SHISA9: variants seen among roughly 807,000 people sequenced by gnomAD.
The protein encoded by SHISA9 is protein shisa-9.
In SHISA9, 13 loss-of-function variants were observed where a neutral mutation model predicts 38.0. The ratio of observed to expected loss-of-function variants is 0.34; its 90% CI spans 0.22 to 0.54. SHISA9 has a LOEUF of 0.54. Ranked by LOEUF, SHISA9 falls within the 20% of genes least tolerant of loss-of-function variation. SHISA9 has a pLI of 0.91. For synonymous variants in SHISA9, 275 were observed against 242.0 expected (o/e 1.14, Z -1.27); for missense variants, 538 against 575.8 (o/e 0.93, Z 0.67).
At chr16:13,007,614 A>T (rs1180588952) in intron 2 of SHISA9, among the ~76,000 whole-genome samples, 3 of 152,174 alleles carry the variant, frequency 2.0e-5, no homozygotes, top group Non-Finnish European at 4.4e-5. Context: ...AAGCCTTTTT[A>T]TACAACCTAC....
At chr16:13,250,792 G>T in the SHISA9 span, among the ~76,000 whole-genome samples, 1 of 152,260 alleles carries the variant, frequency 6.6e-6, no homozygotes, top group East Asian at 1.9e-4. Context: ...CCATTTTACT[G>T]TGAAGTCCAT....
the SHISA9 span, among the ~76,000 whole-genome samples, chr16:13,404,329 CAA>C: frequency 6.6e-6 from 1 of 152,098 alleles, no homozygotes; most frequent in Non-Finnish European, 1.5e-5. Context: ...GAAAATGAAA[CAA>C]TGAGAATTTT....
intron 2 of SHISA9, among the ~76,000 whole-genome samples, chr16:12,921,864 G>T (rs955236932): frequency 1.3e-5 from 2 of 152,204 alleles, no homozygotes; most frequent in Non-Finnish European, 2.9e-5. Context: ...AAATATGTAA[G>T]ATAGTGTAAT....
chr16:13,290,331 T>C, the SHISA9 span, among the ~76,000 whole-genome samples: 1 of 152,134 alleles, frequency 6.6e-6, no homozygotes, highest in African/African-American at 2.4e-5. Context: ...AGTCACACTT[T>C]CCTGAATTGG....
the SHISA9 span, among the ~76,000 whole-genome samples, chr16:13,400,207 T>C: frequency 6.6e-6 from 1 of 152,196 alleles, no homozygotes; most frequent in Non-Finnish European, 1.5e-5. Context: ...CCCATTTCTC[T>C]TGCCTCTCCG....
intron 2 of SHISA9, among the ~76,000 whole-genome samples, chr16:13,030,943 G>T (rs1471878509): frequency 6.6e-6 from 1 of 152,172 alleles, no homozygotes; most frequent in Non-Finnish European, 1.5e-5. Flanking sequence ...CTAGCACAGG[G>T]CTGTTACTCA....
At chr16:13,200,889 C>T (rs2142052128) in intron 2 of SHISA9, among the ~76,000 whole-genome samples, 1 of 135,504 alleles carries the variant, frequency 7.4e-6, no homozygotes, top group Non-Finnish European at 1.6e-5. Flanking sequence ...CTGCCTGTTT[C>T]CATTTGGGTT....
chr16:13,415,070 C>T, the SHISA9 span, among the ~76,000 whole-genome samples: 54 of 152,178 alleles, frequency 3.5e-4, no homozygotes, highest in African/African-American at 1.3e-3. Context: ...ATCTGATTGG[C>T]CAAAACTCAG....
chr16:13,114,900 C>CTCCA (rs3075115), intron 2 of SHISA9, among the ~76,000 whole-genome samples: 26,246 of 149,668 alleles, frequency 0.18, 3,025 homozygotes, highest in African/African-American at 0.33. Context: ...TTACATCTAA[C>CTCCA]TCCATCCATC....
chr16:13,248,016 A>T, the SHISA9 span, among the ~76,000 whole-genome samples: 1 of 152,212 alleles, frequency 6.6e-6, no homozygotes, highest in African/African-American at 2.4e-5. Flanking sequence ...TTTGCTGTCC[A>T]TGTATCAAAG....
the SHISA9 span, among the ~76,000 whole-genome samples, chr16:13,328,846 TAGTG>T: frequency 7.2e-5 from 11 of 152,136 alleles, no homozygotes; most frequent in Non-Finnish European, 1.3e-4. Context: ...TTTAGGCAGA[TAGTG>T]AGAATACAGA....
At chr16:13,321,706 G>T in the SHISA9 span, among the ~76,000 whole-genome samples, 3 of 152,166 alleles carry the variant, frequency 2.0e-5, no homozygotes, top group African/African-American at 7.2e-5. Context: ...TAATCTCCAG[G>T]TGTGTCGGTG....
chr16:12,910,585 T>C, intron 1 of SHISA9: 2 of 985,426 alleles, frequency 2.0e-6, no homozygotes, highest in Non-Finnish European at 2.4e-6. Context: ...TTTTCAATAT[T>C]CAGTCATTTC....
intron 2 of SHISA9, among the ~76,000 whole-genome samples, chr16:12,969,236 T>C (rs2072022297): frequency 6.6e-6 from 1 of 151,934 alleles, no homozygotes; most frequent in African/African-American, 2.4e-5. Flanking sequence ...ATCTCTATTC[T>C]GGAGCAAACA....
At chr16:13,242,474 C>T (rs767483000), downstream of SHISA9, among the ~76,000 whole-genome samples, 1 of 152,154 alleles carries the variant, frequency 6.6e-6, no homozygotes, top group Non-Finnish European at 1.5e-5. Flanking sequence ...ATCCCAAGGA[C>T]TATGAGATGC....
At chr16:13,267,207 C>A in the SHISA9 span, among the ~76,000 whole-genome samples, 1 of 152,004 alleles carries the variant, frequency 6.6e-6, no homozygotes, top group Admixed American at 6.6e-5. Context: ...AGAATTATTA[C>A]AAAAATCACT....
the SHISA9 span, among the ~76,000 whole-genome samples, chr16:13,320,831 C>T: frequency 1.3e-5 from 2 of 152,208 alleles, no homozygotes; most frequent in East Asian, 3.9e-4. Flanking sequence ...TGGCCACCCC[C>T]CTCTAGACCT....
chr16:13,479,012 T>C, the SHISA9 span, among the ~76,000 whole-genome samples: 1 of 152,210 alleles, frequency 6.6e-6, no homozygotes, highest in Non-Finnish European at 1.5e-5. Context: ...TCTGTGTCTG[T>C]TTAGAAGTTC....
chr16:12,923,364 A>G (rs939802757), intron 2 of SHISA9, among the ~76,000 whole-genome samples: 1 of 152,126 alleles, frequency 6.6e-6, no homozygotes, highest in Non-Finnish European at 1.5e-5. Context: ...CCGTGTCCCT[A>G]CAAAAACACA....
Sources: allele counts gnomAD v4.1 joint callset (sites outside exome capture counted in the v4.1 genomes callset), GRCh38; gene constraint gnomAD v4.1.1; transcripts MANE v1.5; gene names NCBI Gene and HGNC (gene_info 2026-07-23, HGNC 2026-07-21).